The following SLC25A25 variants were observed in gnomAD, a reference collection of about 807,000 sequenced individuals.
SLC25A25 encodes the protein solute carrier family 25 member 25, also known as mitochondrial adenyl nucleotide antiporter SLC25A25.
A neutral mutation model predicts 57.7 loss-of-function variants in SLC25A25; 32 were observed. The observed-to-expected ratio is 0.55, with a 90% confidence interval of 0.42 to 0.74. SLC25A25 has a LOEUF of 0.74. Among genes scored for constraint, SLC25A25 ranks in the 30% least tolerant of loss-of-function variants. SLC25A25 has a pLI of 0.00. For synonymous variants in SLC25A25, 306 were observed against 291.2 expected (o/e 1.05, Z -0.52); for missense variants, 556 against 701.3 (o/e 0.79, Z 2.34).
chr9:128,090,492 C>T (rs922877377), intron 1 of SLC25A25, among the ~76,000 whole-genome samples: 4 of 151,678 alleles, frequency 2.6e-5, no homozygotes, highest in African/African-American at 7.3e-5. Context: ...CCACCACATC[C>T]GGCCTTGTGT....
At chr9:128,082,397 C>T (rs1326112411) in intron 1 of SLC25A25, among the ~76,000 whole-genome samples, 1 of 152,136 alleles carries the variant, frequency 6.6e-6, no homozygotes, top group Non-Finnish European at 1.5e-5. Context: ...TTTAAGAGTC[C>T]TGCCTTACAG....
chr9:128,085,853 ATATT>A (rs983562124), intron 1 of SLC25A25, among the ~76,000 whole-genome samples: 2 of 152,034 alleles, frequency 1.3e-5, no homozygotes, highest in African/African-American at 2.4e-5. Context: ...TAATTTCCAA[ATATT>A]TAGGTATTTT....
chr9:128,068,653 G>A (rs1313630870), intron 1 of SLC25A25, 73 bp downstream of exon 1: 31 of 1,352,580 alleles, frequency 2.3e-5, no homozygotes, highest in Non-Finnish European at 2.8e-5. Flanking sequence ...CTCGGGGGAC[G>A]GCCCCTTGGG....
intron 1 of SLC25A25, 176 bp from the exon 2 acceptor site, chr9:128,100,920 C>T (rs1341045865): frequency 3.7e-6 from 3 of 801,140 alleles, no homozygotes; most frequent in Non-Finnish European, 3.9e-6. Flanking sequence ...GGTGGTGGCT[C>T]TGGCATGTAA....
intron 1 of SLC25A25, chr9:128,098,938 G>A (rs1251349142): frequency 5.1e-6 from 5 of 985,342 alleles, no homozygotes; most frequent in African/African-American, 3.5e-5. Context: ...GAATTCCAGC[G>A]AAGGCTGTTG....
At chr9:128,106,114 G>A in intron 7 of SLC25A25, 36 bp from the exon 8 acceptor site, 1 of 1,612,634 alleles carries the variant, frequency 6.2e-7, no homozygotes, top group Non-Finnish European at 8.5e-7. Flanking sequence ...CCCAACCTCT[G>A]GGTATATCAG....
At chr9:128,082,647 TTTTTA>T (rs563516255) in intron 1 of SLC25A25, among the ~76,000 whole-genome samples, 1,754 of 152,270 alleles carry the variant, frequency 0.012, 41 homozygotes, top group African/African-American at 0.04. Flanking sequence ...TGCTTTATTA[TTTTTA>T]TTTTATTTTA....
chr9:128,106,899 G>T, intron 9 of SLC25A25, 130 bp from the exon 10 acceptor site: 1 of 1,156,066 alleles, frequency 8.7e-7, no homozygotes, highest in Non-Finnish European at 1.2e-6. Context: ...GGGCAGCCAG[G>T]CTAGGAGCCC....
intron 1 of SLC25A25, among the ~76,000 whole-genome samples, chr9:128,094,986 C>G (rs1019708060): frequency 6.6e-6 from 1 of 152,168 alleles, no homozygotes; most frequent in Non-Finnish European, 1.5e-5. Flanking sequence ...TAAAGAGCAG[C>G]GAGGCATCGC....
chr9:128,083,015 T>TC (rs1300926726), intron 1 of SLC25A25, among the ~76,000 whole-genome samples: 2 of 150,792 alleles, frequency 1.3e-5, no homozygotes, highest in Non-Finnish European at 3.0e-5. Flanking sequence ...GATCACAAGG[T>TC]CAGGAGTTCA....
intron 1 of SLC25A25, among the ~76,000 whole-genome samples, chr9:128,072,716 A>T: frequency 6.6e-6 from 1 of 152,258 alleles, no homozygotes; most frequent in East Asian, 1.9e-4. Context: ...GGAAGAGTTC[A>T]TTAAAGAAGA....
chr9:128,102,125 C>T lies in SLC25A25; in HGVS notation c.512+10C>T, dbSNP rs1262940385. The T allele has an allele frequency of 2.6e-6, 4 of 1,550,582 alleles. No homozygotes were observed. The South Asian group carries it at 4.8e-5, about 18-fold the overall frequency. ...GGGGCCCTGTCACCTAGTAAGTATC[C>T]ATGTCGCTCATGACTGCCTCCCTTG... is the stretch of plus-strand genomic sequence containing the variant. On this transcript the variant is annotated intron_variant, in intron 4 of 10. Transcript: ENST00000373069. This position sits in a 1 kb window ranked among gnomAD's most constrained non-coding sequence, Gnocchi z 4.1.
In SLC25A25 at chr9:128,102,284, C is replaced by A; in HGVS notation, c.513-86C>A. ...CGTGTGGTTTCTGGGCATCCGAATG[C>A]CTGCCCTTGGCTCACTGGGAGGTGG... is the stretch of plus-strand genomic sequence containing the variant. On this transcript the variant is annotated intron_variant, in intron 4 of 10. Coordinates refer to ENST00000373069, the MANE Select transcript of SLC25A25 (RefSeq NM_001330988.2). The surrounding 1 kb of genome is among the most constrained non-coding windows in gnomAD (Gnocchi z 4.1). 1 of 1,445,694 alleles carries A rather than the reference C, an allele frequency of 6.9e-7. No homozygotes were observed. The highest frequency in any genetic ancestry group is 9.6e-7 in the Non-Finnish European group (1 of 1,039,986). The allele number at this position is 1,445,694 out of a possible 1,614,324, so 89.6% of individuals were successfully genotyped here.
rs1273721292 is a variant in SLC25A25, at chr9:128,099,286, C to G, written c.262-1810C>G. On this transcript the variant is annotated intron_variant, in intron 1 of 10. Coordinates refer to ENST00000373069, the MANE Select transcript of SLC25A25 (RefSeq NM_001330988.2). The surrounding 1 kb of genome is among the most constrained non-coding windows in gnomAD (Gnocchi z 6.8). The stretch of plus-strand genomic sequence containing the variant: ...CCTGCTACCCCCAGTGCCCACTGTG[C>G]ACCAAGGGGGATTTGCAGATCCAAG... The G allele has an allele frequency of 1.6e-6, 2 of 1,286,042 alleles. No individual in the cohort carries two copies. The highest frequency in any genetic ancestry group is 4.7e-5 in the Admixed American group (2 of 42,682). The allele number at this position is 1,286,042 out of a possible 1,614,324, so 79.7% of individuals were successfully genotyped here.
chr9:128,104,831 AATTATT>A (rs57220788), intron 6 of SLC25A25, among the ~76,000 whole-genome samples: 101,112 of 144,270 alleles, frequency 0.7, 36,690 homozygotes, highest in East Asian at 0.8. Flanking sequence ...GATTTTTAAA[AATTATT>A]ATTATTATTA....
rs60965824 is a variant in SLC25A25 at position 128,083,691 on chromosome 9, T to TTTTC, written c.261+15111_261+15112insTTTC. ...CGCCCAGCGAATTTTTTTTTTTTTT[T>TTTTC]GTATTTTTAGTAAAGATGGGGTTTC... On this transcript the variant is annotated intron_variant, in intron 1 of 10. Transcript: ENST00000373069. Among the ~76,000 whole-genome samples the TTTTC allele has an allele frequency of 5.5e-5, 8 of 146,282 alleles. No individual in the cohort carries two copies. The South Asian group carries it at 1.7e-3, about 32-fold the overall frequency.
chr9:128,083,329 T>C (rs1833197858), intron 1 of SLC25A25, among the ~76,000 whole-genome samples: 1 of 151,694 alleles, frequency 6.6e-6, no homozygotes, highest in Non-Finnish European at 1.5e-5. Flanking sequence ...ACTCATTTAA[T>C]TTATGGAAAA....
chr9:128,098,864 G>T (rs1485082049), intron 1 of SLC25A25: 1 of 1,492,244 alleles, frequency 6.7e-7, no homozygotes, highest in Non-Finnish European at 8.9e-7. Context: ...TTGCCATGCG[G>T]CTATGGCCGG....
chr9:128,071,379 A>G (rs1262461194), intron 1 of SLC25A25, among the ~76,000 whole-genome samples: 1 of 152,072 alleles, frequency 6.6e-6, no homozygotes, highest in East Asian at 1.9e-4. Context: ...TGGGTTTAGT[A>G]TAGAGTGTAT....
Sources: gnomAD v4.1 joint callset for allele counts (sites outside exome capture counted in the v4.1 genomes callset) on GRCh38, gnomAD v4.1.1 for gene constraint, Gnocchi (gnomAD v3.1) non-coding constraint, MANE v1.5 for transcripts, NCBI Gene and HGNC (gene_info 2026-07-23, HGNC 2026-07-21) for gene names.